The following CPEB1 variants were observed in gnomAD, a reference collection of about 807,000 sequenced individuals.
CPEB1 encodes cytoplasmic polyadenylation element binding protein 1, also known as cytoplasmic polyadenylation element-binding protein 1.
Under a neutral mutation model 65.8 loss-of-function variants are expected in CPEB1, and 7 were observed. The ratio of observed to expected loss-of-function variants is 0.11; its 90% CI spans 0.06 to 0.20. The LOEUF (loss-of-function observed/expected upper bound fraction) is 0.20, where lower values mean the gene tolerates loss of function less well. Ranked by LOEUF, CPEB1 falls within the 10% of genes least tolerant of loss-of-function variation. The pLI, the probability that CPEB1 is intolerant of heterozygous loss-of-function variation, is 1.00. For missense variants in CPEB1, 551 were observed against 712.2 expected (o/e 0.77, Z 2.58); for synonymous variants, 262 against 260.0 (o/e 1.01, Z -0.08).
chr15:82,549,771 G>A (rs1218875911), intron 9 of CPEB1, 113 bp from the exon 10 acceptor site: 1 of 985,302 alleles, frequency 1.0e-6, no homozygotes, highest in South Asian at 1.6e-5. Context: ...CGCCCTTACA[G>A]GGGTGAAAAG....
chr15:82,584,786 G>A (rs531333057), intron 3 of CPEB1, among the ~76,000 whole-genome samples: 3 of 147,528 alleles, frequency 2.0e-5, no homozygotes, highest in African/African-American at 5.0e-5. Flanking sequence ...GAGGCAAATA[G>A]TGTGTTCAAA....
At chr15:82,582,308 A>G (rs2041354924) in intron 3 of CPEB1, among the ~76,000 whole-genome samples, 1 of 152,242 alleles carries the variant, frequency 6.6e-6, no homozygotes, top group African/African-American at 2.4e-5. Context: ...CCCTTTAGCA[A>G]GGATAGACCA....
chr15:82,606,284 A>T (rs2043583564), intron 3 of CPEB1, among the ~76,000 whole-genome samples: 1 of 151,406 alleles, frequency 6.6e-6, no homozygotes, highest in African/African-American at 2.4e-5. Context: ...CCTGGCCAAC[A>T]TGGCGAAACC....
chr15:82,637,438 TCAG>T (rs1332951290), intron 1 of CPEB1, among the ~76,000 whole-genome samples: 1 of 152,120 alleles, frequency 6.6e-6, no homozygotes, highest in African/African-American at 2.4e-5. Flanking sequence ...GTAAACATCA[TCAG>T]GTCTCTCCCA....
rs76644951 is a variant in CPEB1, at chr15:82,603,785, T to C, written c.271+23408A>G. On this transcript the variant is annotated intron_variant, in intron 3 of 12. Transcript: ENST00000684509. Reference sequence around the variant, plus strand: ...CTTCAGTGGCCACATATTTAAAAAATGCGAAGTTTACAGAACTAGCTGAGA... The same window carrying C: ...CTTCAGTGGCCACATATTTAAAAAACGCGAAGTTTACAGAACTAGCTGAGA... Among the ~76,000 whole-genome samples the C allele has an allele frequency of 9.9e-4, 151 of 152,204 alleles. 2 individuals are homozygous for C. In the East Asian group the frequency reaches 0.025, roughly 26 times the overall value.
At chr15:82,597,638 C>T (rs949168966) in intron 3 of CPEB1, among the ~76,000 whole-genome samples, 1 of 152,190 alleles carries the variant, frequency 6.6e-6, no homozygotes, top group African/African-American at 2.4e-5. Flanking sequence ...AGAGACAAGG[C>T]TCACTAGCCA....
At chr15:82,647,529 TTA>T (rs2047678435), upstream of CPEB1, 1 of 265,542 alleles carries the variant, frequency 3.8e-6, no homozygotes, top group Non-Finnish European at 7.1e-6. Flanking sequence ...CGGTGCTCCT[TTA>T]TGTCCGGTCA....
chr15:82,618,960 T>A (rs1463607669), intron 3 of CPEB1, among the ~76,000 whole-genome samples: 1 of 152,208 alleles, frequency 6.6e-6, no homozygotes, highest in African/African-American at 2.4e-5. Flanking sequence ...GAGCTTGGAC[T>A]GATGAGCTGA....
chr15:82,641,469 G>A (rs2047110808), intron 1 of CPEB1, among the ~76,000 whole-genome samples: 1 of 152,142 alleles, frequency 6.6e-6, no homozygotes, highest in Non-Finnish European at 1.5e-5. Context: ...TTATCAAAGG[G>A]GATTGTAGGA....
intron 3 of CPEB1, chr15:82,571,840 A>T: frequency 8.7e-7 from 1 of 1,143,994 alleles, no homozygotes. Flanking sequence ...TGCAATAGAG[A>T]GCGGCATCAT....
intron 4 of CPEB1, among the ~76,000 whole-genome samples, chr15:82,563,764 A>C (rs546116180): frequency 2.0e-5 from 3 of 152,294 alleles, no homozygotes; most frequent in Admixed American, 6.5e-5. Flanking sequence ...CTGGATAAAA[A>C]GGATTACAAA....
intron 1 of CPEB1, among the ~76,000 whole-genome samples, chr15:82,631,387 T>C (rs555261454): frequency 4.0e-5 from 6 of 151,792 alleles, no homozygotes; most frequent in African/African-American, 1.5e-4. Flanking sequence ...TTTCATCTTA[T>C]AATTACCAAT....
chr15:82,560,571 A>G (rs1007721796), intron 4 of CPEB1, among the ~76,000 whole-genome samples: 2 of 151,894 alleles, frequency 1.3e-5, no homozygotes, highest in Non-Finnish European at 2.9e-5. Flanking sequence ...TTTAAAAAAA[A>G]TTTTTAGTAG....
At position 82,627,202 on chromosome 15, in the gene CPEB1, G is replaced by C; in HGVS notation, c.262C>G (p.His88Asp). 6.2e-7 allele frequency: 1 copy of C among 1,610,818 alleles called. No individual in the cohort carries two copies. Among genetic ancestry groups the C allele is most frequent in the South Asian group, 1.1e-5 (1 of 90,270 alleles). The part of the protein sequence containing the change: ...TTPINRGIHD[H>D]LPDFQDSEET... ...TTCAAACCTAAATCACCTGGCAAATGATCATGAATTCCTCGGTTTATAGGT... is the reference window on the plus strand; with the variant it reads ...TTCAAACCTAAATCACCTGGCAAATCATCATGAATTCCTCGGTTTATAGGT... The change falls in exon 3 of 13, where the codon CAT (histidine) becomes GAT (aspartate). Residue 88 changes from histidine (H) to aspartate (D), a missense_variant. Physicochemically the swap from His to Asp is moderately conservative, Grantham distance 81. This residue lies in a region of CPEB1 where 223 missense variants were observed against 228.6 expected (regional missense o/e 0.98). Transcript: ENST00000684509.
intron 3 of CPEB1, among the ~76,000 whole-genome samples, chr15:82,607,129 C>G (rs926198643): frequency 6.6e-6 from 1 of 151,104 alleles, no homozygotes; most frequent in Non-Finnish European, 1.5e-5. Flanking sequence ...AGACACAAGA[C>G]ATATGGAAAA....
chr15:82,554,924 G>C (rs1013169437), intron 6 of CPEB1, among the ~76,000 whole-genome samples: 12 of 152,204 alleles, frequency 7.9e-5, no homozygotes, highest in Admixed American at 7.2e-4. Context: ...AATGGCACCA[G>C]AGAAAGTACA....
At chr15:82,592,412 A>G (rs2042331521) in intron 3 of CPEB1, among the ~76,000 whole-genome samples, 1 of 151,296 alleles carries the variant, frequency 6.6e-6, no homozygotes, top group South Asian at 2.1e-4. Context: ...ACATGGTGAA[A>G]CCCCATCTCT....
intron 3 of CPEB1, among the ~76,000 whole-genome samples, chr15:82,593,152 C>T (rs1374717040): frequency 6.6e-6 from 1 of 152,150 alleles, no homozygotes. Context: ...TTAAGACAAC[C>T]ATGATGTTTG....
chr15:82,629,767 C>A, intron 1 of CPEB1: 1 of 985,354 alleles, frequency 1.0e-6, no homozygotes, highest in South Asian at 4.7e-5. Flanking sequence ...CAAAACAAAA[C>A]AAGAAGAGGC....
Sources: gnomAD v4.1 joint callset for allele counts (sites outside exome capture counted in the v4.1 genomes callset) on GRCh38, gnomAD v4.1.1 for gene constraint, gnomAD v4.1.1 regional missense constraint, MANE v1.5 for transcripts, NCBI Gene and HGNC (gene_info 2026-07-23, HGNC 2026-07-21) for gene names.